Variants in KCNIP1 observed in about 807,000 individuals in gnomAD.
KCNIP1 encodes the protein A-type potassium channel modulatory protein KCNIP1.
KCNIP1 carries 18 observed loss-of-function variants against 33.0 expected under a neutral mutation model. That is an observed-to-expected ratio of 0.55 (90% CI 0.38 to 0.81). The LOEUF (loss-of-function observed/expected upper bound fraction) is 0.81, where lower values mean the gene tolerates loss of function less well. Among genes scored for constraint, KCNIP1 ranks in the 30% least tolerant of loss-of-function variants. The pLI, the probability that KCNIP1 is intolerant of heterozygous loss-of-function variation, is 0.00. For missense variants in KCNIP1, 238 were observed against 271.6 expected (o/e 0.88, Z 0.87); for synonymous variants, 93 against 98.3 (o/e 0.95, Z 0.32).
In KCNIP1 at chr5:170,668,972, G is replaced by T. The variant is rs116087826; in HGVS notation, c.62-49786G>T. On this transcript the variant is annotated intron_variant, in intron 1 of 7. Coordinates refer to ENST00000328939, the MANE Select transcript of KCNIP1 (RefSeq NM_014592.4). Reference sequence around the variant, plus strand: ...GTTCCACTAGTCTTACCTTCTTGGGGAACCCTTCCTGGATTCCCAGGCTGG... The same window carrying T: ...GTTCCACTAGTCTTACCTTCTTGGGTAACCCTTCCTGGATTCCCAGGCTGG... Among the ~76,000 whole-genome samples the T allele has an allele frequency of 3.7e-3, 560 of 152,258 alleles. 2 individuals carry two copies. The highest frequency in any genetic ancestry group is 0.013 in the African/African-American group (527 of 41,552).
chr5:170,600,120 C>A (rs570105468), intron 1 of KCNIP1, among the ~76,000 whole-genome samples: 8 of 152,178 alleles, frequency 5.3e-5, no homozygotes, highest in Non-Finnish European at 1.0e-4. Context: ...CCAGAAAGGT[C>A]AATTAACTTG....
At chr5:170,564,804 A>C (rs1757150536) in intron 1 of KCNIP1, among the ~76,000 whole-genome samples, 2 of 152,118 alleles carry the variant, frequency 1.3e-5, no homozygotes, top group Admixed American at 1.3e-4. Flanking sequence ...TATATAGCTG[A>C]TGTCACATCC....
chr5:170,436,539 G>C (rs185283269), intron 1 of KCNIP1, among the ~76,000 whole-genome samples: 1 of 152,368 alleles, frequency 6.6e-6, no homozygotes, highest in East Asian at 1.9e-4. Context: ...CCGAGAGCTG[G>C]CTCCGCCCCT....
chr5:170,580,314 G>C (rs1017085376), intron 1 of KCNIP1, among the ~76,000 whole-genome samples: 7 of 152,220 alleles, frequency 4.6e-5, no homozygotes, highest in African/African-American at 1.7e-4. Context: ...AGGAAGACAA[G>C]GTGGTAATAA....
At chr5:170,707,744 T>A (rs1186394000) in intron 1 of KCNIP1, among the ~76,000 whole-genome samples, 2 of 152,176 alleles carry the variant, frequency 1.3e-5, no homozygotes, top group African/African-American at 4.8e-5. Flanking sequence ...CCAAGTCATT[T>A]GATCTTGAAA....
In KCNIP1 at chr5:170,628,981, C is replaced by T. The variant is rs559501470; in HGVS notation, c.62-89777C>T. Among the ~76,000 whole-genome samples the T allele has an allele frequency of 2.0e-4, 31 of 152,340 alleles. No individual in the cohort carries two copies. In the South Asian group the frequency reaches 5.8e-3, roughly 28 times the overall value. On this transcript the variant is annotated intron_variant, in intron 1 of 7. Coordinates refer to ENST00000328939, the MANE Select transcript of KCNIP1 (RefSeq NM_014592.4). ...CTGGCCACAAGCCCACCCTGTGCCT[C>T]GTCAGCCCCACTGAGCCTCTCCATC...
intron 1 of KCNIP1, among the ~76,000 whole-genome samples, chr5:170,498,865 G>A (rs187791650): frequency 1.7e-4 from 26 of 152,198 alleles, no homozygotes; most frequent in African/African-American, 2.9e-4. Context: ...GGAGGCTAAC[G>A]GCCAGGTGTA....
intron 1 of KCNIP1, among the ~76,000 whole-genome samples, chr5:170,557,812 A>G (rs1218845655): frequency 6.6e-6 from 1 of 152,178 alleles, no homozygotes; most frequent in Non-Finnish European, 1.5e-5. Flanking sequence ...GTCAAATCAT[A>G]GAGAGCTTTG....
intron 1 of KCNIP1, among the ~76,000 whole-genome samples, chr5:170,686,632 C>T (rs998623303): frequency 1.3e-5 from 2 of 152,202 alleles, no homozygotes; most frequent in African/African-American, 4.8e-5. Context: ...ACAAAGCCAG[C>T]CCCACAGCTG....
intron 1 of KCNIP1, among the ~76,000 whole-genome samples, chr5:170,541,479 T>A (rs887208153): frequency 6.6e-6 from 1 of 152,228 alleles, no homozygotes; most frequent in Admixed American, 6.5e-5. Flanking sequence ...CTCAGCTGAA[T>A]GAATGATGCT....
intron 1 of KCNIP1, among the ~76,000 whole-genome samples, chr5:170,457,094 G>C (rs1235208911): frequency 2.0e-5 from 3 of 152,108 alleles, no homozygotes; most frequent in African/African-American, 7.2e-5. Context: ...AATCAGGAAA[G>C]AATGAGAGAA....
At chr5:170,677,152 A>G (rs2113785290) in intron 1 of KCNIP1, among the ~76,000 whole-genome samples, 1 of 152,302 alleles carries the variant, frequency 6.6e-6, no homozygotes, top group South Asian at 2.1e-4. Flanking sequence ...CTTTCTATGC[A>G]TAATTACTAA....
chr5:170,597,784 A>AATATATATATAT lies in KCNIP1; in HGVS notation c.61+93186_61+93197dup, dbSNP rs10525595. On this transcript the variant is annotated intron_variant, in intron 1 of 7. Coordinates refer to ENST00000328939, the MANE Select transcript of KCNIP1 (RefSeq NM_014592.4). ...ACTTCTGATGCTGGAGAGAGAGATA[A>AATATATATATAT]ATATATATATATATATATATATATA... 1.5e-3 allele frequency among the ~76,000 whole-genome samples: 206 copies of AATATATATATAT among 134,266 alleles called. 1 individual carries two copies. Among genetic ancestry groups the AATATATATATAT allele is most frequent in the African/African-American group, 3.4e-3 (112 of 32,556 alleles). The allele number at this position is 134,266 out of a possible 152,430, so 88.1% of individuals were successfully genotyped here.
chr5:170,652,519 A>AAG lies in KCNIP1; in HGVS notation c.62-66239_62-66238insAG, dbSNP rs1279969861. ...AAAAAAAGGAAGGAAGGAAGGAAGGAGAAAAGAAAAAAGAAAAGAAAAGAA... is the reference window on the plus strand; with the variant it reads ...AAAAAAAGGAAGGAAGGAAGGAAGGAAGGAAAAGAAAAAAGAAAAGAAAAGAA... On this transcript the variant is annotated intron_variant, in intron 1 of 7. Coordinates refer to ENST00000328939, the MANE Select transcript of KCNIP1 (RefSeq NM_014592.4). 4.0e-3 allele frequency among the ~76,000 whole-genome samples: 541 copies of AAG among 134,826 alleles called. 8 individuals carry two copies. Among genetic ancestry groups the AAG allele is most frequent in the South Asian group, 7.2e-3 (28 of 3,882 alleles). 88.5% of individuals were successfully genotyped at this position (134,826 alleles called of 152,430 possible). A position where few individuals can be genotyped will look rare whatever the true frequency, so the allele number is the denominator to read the frequency against.
chr5:170,701,579 C>G (rs1763101458), intron 1 of KCNIP1, among the ~76,000 whole-genome samples: 2 of 152,196 alleles, frequency 1.3e-5, no homozygotes, highest in African/African-American at 4.8e-5. Context: ...TCCAGCTGGC[C>G]CTCCGGCTTG....
At chr5:170,457,855 T>G (rs1756421506) in intron 1 of KCNIP1, among the ~76,000 whole-genome samples, 1 of 152,138 alleles carries the variant, frequency 6.6e-6, no homozygotes, top group African/African-American at 2.4e-5. Flanking sequence ...AATCCCTGTT[T>G]CACCTGAAAA....
chr5:170,497,668 T>C (rs1426359361), intron 1 of KCNIP1, among the ~76,000 whole-genome samples: 1 of 152,176 alleles, frequency 6.6e-6, no homozygotes, highest in East Asian at 1.9e-4. Context: ...ATTTGATCAA[T>C]ATTCATGAAA....
chr5:170,498,152 G>C (rs1389491144), intron 1 of KCNIP1, among the ~76,000 whole-genome samples: 1 of 152,186 alleles, frequency 6.6e-6, no homozygotes, highest in East Asian at 1.9e-4. Flanking sequence ...CCAAGCAAAG[G>C]GAACTGGAAG....
At chr5:170,724,760 A>G (rs1175864133) in intron 5 of KCNIP1, among the ~76,000 whole-genome samples, 1 of 152,242 alleles carries the variant, frequency 6.6e-6, no homozygotes, top group East Asian at 1.9e-4. Flanking sequence ...GAAAAATTCA[A>G]CAAAACAGGT....
Sources: allele counts gnomAD v4.1 joint callset (sites outside exome capture counted in the v4.1 genomes callset), GRCh38; gene constraint gnomAD v4.1.1; transcripts MANE v1.5; gene names NCBI Gene and HGNC (gene_info 2026-07-23, HGNC 2026-07-21).